DNAH14: variants seen among roughly 807,000 people sequenced by gnomAD.
DNAH14 encodes axonemal beta dynein heavy chain 14.
In DNAH14, 478 loss-of-function variants were observed where a neutral mutation model predicts 520.9. The observed-to-expected ratio is 0.92, with a 90% CI of 0.85 to 0.99. The LOEUF (loss-of-function observed/expected upper bound fraction) is 0.99. DNAH14 is among the 50% of genes least tolerant of loss of function. DNAH14 has a pLI of 0.00. For missense variants in DNAH14, 4,831 were observed against 5,234.5 expected, an observed-to-expected ratio of 0.92 and a Z score of 2.38; for synonymous variants, 1,581 against 1,757.2, an observed-to-expected ratio of 0.90 and a Z score of 2.51.
chr1:225,166,135 G>A (rs545277231), intron 35 of DNAH14, among the ~76,000 whole-genome samples: 6 of 151,910 alleles, frequency 3.9e-5, no homozygotes, highest in East Asian at 1.9e-4. Flanking sequence ...CAAACTTTCC[G>A]CTCTTCTCCA....
chr1:225,116,416 T>C (rs2076877574), intron 23 of DNAH14, among the ~76,000 whole-genome samples: 1 of 152,082 alleles, frequency 6.6e-6, no homozygotes, highest in African/African-American at 2.4e-5. Context: ...AGTAAGGCCA[T>C]GAGGAAGATG....
intron 28 of DNAH14, 89 bp from the exon 29 acceptor site, chr1:225,144,308 C>T (rs2079720526): frequency 6.0e-6 from 6 of 995,186 alleles, no homozygotes; most frequent in Non-Finnish European, 5.9e-6. Flanking sequence ...ATCAATGCTC[C>T]ATTTTTAATC....
intron 77 of DNAH14, among the ~76,000 whole-genome samples, chr1:225,368,882 T>C (rs898463456): frequency 1.3e-5 from 2 of 152,162 alleles, no homozygotes; most frequent in African/African-American, 4.8e-5. Flanking sequence ...CTTCTGTACC[T>C]AACCAGGAAC....
chr1:225,042,252 A>G (rs2067544524), intron 12 of DNAH14, among the ~76,000 whole-genome samples: 1 of 152,212 alleles, frequency 6.6e-6, no homozygotes, highest in Non-Finnish European at 1.5e-5. Flanking sequence ...CGGATTATTT[A>G]TGATGTAGGA....
intron 21 of DNAH14, among the ~76,000 whole-genome samples, chr1:225,090,362 C>T (rs1004607036): frequency 6.6e-6 from 1 of 152,116 alleles, no homozygotes; most frequent in African/African-American, 2.4e-5. Context: ...TCCTAGCAGA[C>T]TACTTGTAGA....
Position 225,117,764 on chromosome 1 carries a change from T to C in DNAH14, c.3948T>C (p.Asp1316=). 2 of 1,550,828 alleles carry C rather than the reference T, an allele frequency of 1.3e-6. No homozygotes were observed. Among genetic ancestry groups the C allele is most frequent in the Non-Finnish European group, 1.7e-6 (2 of 1,146,644 alleles). ...SNAELLDILA[D]SRNPESVQPH... is the part of the protein sequence containing the mutation. ...CCGAGCTTCTTGATATTCTAGCTGA[T>C]AGCAGAAATCCTGAGTCTGTACAGG... The change falls in exon 24 of 86, where the codon GAT becomes GAC. Residue 1316 remains aspartate, a synonymous_variant. Transcript: ENST00000682510.
At chr1:224,992,115 C>T (rs1056320212) in intron 8 of DNAH14, among the ~76,000 whole-genome samples, 1 of 151,710 alleles carries the variant, frequency 6.6e-6, no homozygotes, top group Non-Finnish European at 1.5e-5. Context: ...TTTTTTCTGG[C>T]CAATATCGTG....
chr1:225,381,442 T>TA lies in DNAH14; in HGVS notation c.12940_12941insA (p.Phe4314TyrfsTer2). 6.4e-7 allele frequency: 1 copy of TA among 1,550,806 alleles called. No individual in the cohort carries two copies. The highest frequency in any genetic ancestry group is 1.2e-5 in the South Asian group (1 of 83,634). On this transcript the variant is annotated frameshift_variant, in exon 81 of 86. Transcript: ENST00000682510. LOFTEE classifies it high-confidence loss of function. ...CTTTTTGAAGCAAGAAATTAAACGA[T>TA]TTGATAAGTTATTATTTGTCATACA...
intron 10 of DNAH14, among the ~76,000 whole-genome samples, chr1:225,020,592 CAT>C: frequency 6.7e-6 from 1 of 149,720 alleles, no homozygotes; most frequent in Non-Finnish European, 1.5e-5. Flanking sequence ...CCTGGAAACA[CAT>C]AGCCTCCCAA....
intron 36 of DNAH14, among the ~76,000 whole-genome samples, chr1:225,168,546 C>G (rs905412148): frequency 2.0e-5 from 3 of 152,354 alleles, no homozygotes; most frequent in Non-Finnish European, 2.9e-5. Context: ...CGGAGCCTCA[C>G]TCATGGCTAG....
intron 33 of DNAH14, 61 bp downstream of exon 33, chr1:225,152,944 T>C: frequency 6.6e-7 from 1 of 1,507,202 alleles, no homozygotes; most frequent in South Asian, 1.2e-5. Context: ...CCTTAAGTAA[T>C]ACTTTTCTGG....
chr1:225,267,196 C>T (rs1003904147), intron 49 of DNAH14, among the ~76,000 whole-genome samples: 1 of 151,432 alleles, frequency 6.6e-6, no homozygotes, highest in African/African-American at 2.4e-5. Flanking sequence ...ATCACAGATA[C>T]AGCATTTTAA....
At chr1:225,042,520 T>A (rs904858732) in intron 12 of DNAH14, among the ~76,000 whole-genome samples, 2 of 152,212 alleles carry the variant, frequency 1.3e-5, no homozygotes, top group African/African-American at 2.4e-5. Context: ...TGCCTCTGAC[T>A]TTTTAACTCA....
At position 225,192,924 on chromosome 1, in the gene DNAH14, TTGAA is replaced by T. The variant is rs1454062361; in HGVS notation, c.5886+20_5886+23del. ...AGATTTATCCAATGTAAGTTTAGTATTGAATGAATGTTTTTATTTAACTAATGTG... is the reference window on the plus strand; with the variant it reads ...AGATTTATCCAATGTAAGTTTAGTATTGAATGTTTTTATTTAACTAATGTG... On this transcript the variant is annotated intron_variant, in intron 38 of 85. Coordinates refer to ENST00000682510, the MANE Select transcript of DNAH14 (RefSeq NM_001367479.1). 1.8e-5 allele frequency: 28 copies of T among 1,525,558 alleles called. No individual in the cohort carries two copies. The highest frequency in any genetic ancestry group is 2.5e-5 in the Non-Finnish European group (28 of 1,126,962). 94.5% of individuals were successfully genotyped at this position (1,525,558 alleles called of 1,614,324 possible).
chr1:225,281,243 A>G (rs529086153), intron 54 of DNAH14, among the ~76,000 whole-genome samples: 1 of 152,224 alleles, frequency 6.6e-6, no homozygotes, highest in African/African-American at 2.4e-5. Flanking sequence ...TTCTTTTACT[A>G]GCTTCTAGAG....
chr1:225,075,201 T>A (rs2072109461), intron 17 of DNAH14, among the ~76,000 whole-genome samples: 1 of 152,176 alleles, frequency 6.6e-6, no homozygotes, highest in Non-Finnish European at 1.5e-5. Context: ...TTTCCTGTGG[T>A]CACACATTCA....
At chr1:224,935,658 C>G (rs2058984041) in intron 1 of DNAH14, among the ~76,000 whole-genome samples, 1 of 151,762 alleles carries the variant, frequency 6.6e-6, no homozygotes, top group South Asian at 2.1e-4. Flanking sequence ...GACAGATTAT[C>G]TAGACAGAAA....
intron 35 of DNAH14, 133 bp downstream of exon 35, chr1:225,159,618 C>A: frequency 2.0e-6 from 2 of 994,150 alleles, no homozygotes; most frequent in Non-Finnish European, 2.8e-6. Context: ...GATAAAAATA[C>A]TTGGAGATAT....
chr1:225,347,937 G>T (rs1040987863), intron 71 of DNAH14, among the ~76,000 whole-genome samples: 5 of 152,088 alleles, frequency 3.3e-5, no homozygotes, highest in Non-Finnish European at 7.4e-5. Flanking sequence ...GTTGCTCAAT[G>T]AGCTAAAATA....
Sources: gnomAD v4.1 joint callset for allele counts (sites outside exome capture counted in the v4.1 genomes callset) on GRCh38, gnomAD v4.1.1 for gene constraint, MANE v1.5 for transcripts, NCBI Gene and HGNC (gene_info 2026-07-23, HGNC 2026-07-21) for gene names.